The following PRKD1 variants were observed in gnomAD, a reference collection of about 807,000 sequenced individuals.
PRKD1 encodes the protein serine/threonine-protein kinase D1.
PRKD1 carries 63 observed loss-of-function variants against 95.9 expected under a neutral mutation model. The observed-to-expected ratio is 0.66, with a 90% CI of 0.54 to 0.81. The LOEUF (loss-of-function observed/expected upper bound fraction) is 0.81, where lower values mean the gene tolerates loss of function less well. PRKD1 is among the 30% of genes least tolerant of loss of function. The pLI is 0.00. For missense variants in PRKD1, 1,048 were observed against 1,165.3 expected, an observed-to-expected ratio of 0.90 and a Z score of 1.47; for synonymous variants, 425 against 423.1, an observed-to-expected ratio of 1.00 and a Z score of -0.05.
At chr14:29,841,531 C>T (rs1311140613) in intron 1 of PRKD1, among the ~76,000 whole-genome samples, 5 of 152,068 alleles carry the variant, frequency 3.3e-5, no homozygotes, top group East Asian at 1.9e-4. Context: ...GTTTTAAAAA[C>T]GGAAGTTTCC....
intron 11 of PRKD1, among the ~76,000 whole-genome samples, chr14:29,627,679 C>A (rs1879714830): frequency 9.0e-6 from 1 of 110,758 alleles, no homozygotes; most frequent in Non-Finnish European, 1.9e-5. Flanking sequence ...TGCACATGTA[C>A]CCCAGAAGTT....
At chr14:29,915,286 T>C (rs1033842775) in intron 1 of PRKD1, among the ~76,000 whole-genome samples, 9 of 152,164 alleles carry the variant, frequency 5.9e-5, no homozygotes, top group South Asian at 2.1e-4. Context: ...CATCTGAAAA[T>C]GTCCAGGTGG....
rs45469194 is a variant in PRKD1 at position 29,905,073 on chromosome 14, A to C, written c.264+22176T>G. 2.6e-4 allele frequency among the ~76,000 whole-genome samples: 39 copies of C among 152,318 alleles called. 1 individual carries two copies. In the East Asian group the frequency reaches 7.5e-3, roughly 29 times the overall value. On this transcript the variant is annotated intron_variant, in intron 1 of 17. Transcript: ENST00000331968. ...GAATTACTGGACTGTGGTCTGCCAAATACATACCAATGTACTTTGGGCAAA... is the reference window on the plus strand; with the variant it reads ...GAATTACTGGACTGTGGTCTGCCAACTACATACCAATGTACTTTGGGCAAA...
chr14:29,785,048 G>C (rs1289364026), intron 1 of PRKD1, among the ~76,000 whole-genome samples: 2 of 152,144 alleles, frequency 1.3e-5, no homozygotes, highest in Non-Finnish European at 2.9e-5. Flanking sequence ...AAGTGATCAA[G>C]GGATGTATGT....
At position 29,576,595 on chromosome 14, in the gene PRKD1, A is replaced by G. The variant is rs1232621513; in HGVS notation, c.*643T>C. The G allele has an allele frequency of 6.4e-6, 1 of 155,504 alleles. No homozygotes were observed. Among genetic ancestry groups the G allele is most frequent in the Non-Finnish European group, 1.4e-5 (1 of 69,784 alleles). 9.6% of individuals were successfully genotyped at this position (155,504 alleles called of 1,614,324 possible). On this transcript the variant is annotated 3_prime_UTR_variant, in exon 18 of 18. Coordinates refer to ENST00000331968, the MANE Select transcript of PRKD1 (RefSeq NM_002742.3). ...AGAAAGAGGGAAATGTATCTGTTAT[A>G]TATGGCAGTTTACATTTCTAAGGCA...
intron 1 of PRKD1, among the ~76,000 whole-genome samples, chr14:29,792,333 A>C (rs1216926801): frequency 6.6e-6 from 1 of 152,136 alleles, no homozygotes; most frequent in East Asian, 1.9e-4. Context: ...GTTAAAATGA[A>C]ATATCTTATG....
chr14:29,888,123 A>C (rs1436787163), intron 1 of PRKD1, among the ~76,000 whole-genome samples: 1 of 152,064 alleles, frequency 6.6e-6, no homozygotes, highest in Non-Finnish European at 1.5e-5. Flanking sequence ...AAACATAGGG[A>C]GAGCCCATCC....
chr14:29,618,806 C>CT, intron 13 of PRKD1, among the ~76,000 whole-genome samples: 1 of 150,786 alleles, frequency 6.6e-6, no homozygotes, highest in Non-Finnish European at 1.5e-5. Context: ...AGAGCTGTAC[C>CT]TTTTCTCACA....
chr14:29,927,322 A>G lies in PRKD1; in HGVS notation c.191T>C (p.Leu64Pro), dbSNP rs1895340957. Residue 64 changes from leucine to proline, a missense_variant, in exon 1 of 18, where the codon CTG (leucine) becomes CCG (proline). Leu to Pro is a moderately conservative substitution (Grantham distance 98). Around this residue, in one of 3 missense-constraint regions of PRKD1, gnomAD observed 275 missense variants for 248.6 expected, o/e 1.11. Coordinates refer to ENST00000331968, the MANE Select transcript of PRKD1 (RefSeq NM_002742.3). ...GTAGTCCCCGGACGAGTCCTGCAGCAGCAGCACCGGCTCACGGCTCAGGCC... is the reference window on the plus strand; with the variant it reads ...GTAGTCCCCGGACGAGTCCTGCAGCGGCAGCACCGGCTCACGGCTCAGGCC... ...QIGLSREPVL[L>P]LQDSSGDYSL... 1 of 1,562,062 alleles carries G rather than the reference A, an allele frequency of 6.4e-7. No homozygotes were observed. Among genetic ancestry groups the G allele is most frequent in the East Asian group, 2.5e-5 (1 of 40,284 alleles).
At chr14:29,673,005 T>A (rs965706105) in intron 2 of PRKD1, among the ~76,000 whole-genome samples, 18 of 152,214 alleles carry the variant, frequency 1.2e-4, no homozygotes, top group Non-Finnish European at 2.1e-4. Flanking sequence ...GATCTGTTCA[T>A]GAACCCACAG....
chr14:29,796,932 T>C (rs1192953706), intron 1 of PRKD1, among the ~76,000 whole-genome samples: 1 of 152,238 alleles, frequency 6.6e-6, no homozygotes, highest in Non-Finnish European at 1.5e-5. Flanking sequence ...TTTTTGTTGT[T>C]ATTTGTTTTT....
chr14:29,679,658 G>C (rs1391646879), intron 2 of PRKD1, among the ~76,000 whole-genome samples: 2 of 151,394 alleles, frequency 1.3e-5, no homozygotes, highest in Non-Finnish European at 2.9e-5. Flanking sequence ...ATCAGGAAGA[G>C]ATGCAGGCAA....
chr14:29,814,423 C>T (rs1177495520), intron 1 of PRKD1, among the ~76,000 whole-genome samples: 1 of 152,192 alleles, frequency 6.6e-6, no homozygotes, highest in East Asian at 1.9e-4. Flanking sequence ...TCAATGTCTT[C>T]TTGCTAGTGG....
chr14:29,697,598 T>C lies in PRKD1; in HGVS notation c.403+27938A>G, dbSNP rs570883829. On this transcript the variant is annotated intron_variant, in intron 2 of 17. Transcript: ENST00000331968. ...CAAACATCTATTTTATTAAAATCTATGTGCAAAATCACTTTTTGGGAAAGG... is the reference window on the plus strand; with the variant it reads ...CAAACATCTATTTTATTAAAATCTACGTGCAAAATCACTTTTTGGGAAAGG... Among the ~76,000 whole-genome samples, 15 of 152,348 alleles carry C rather than the reference T, an allele frequency of 9.8e-5. No individual in the cohort carries two copies. In the South Asian group the frequency reaches 2.9e-3, roughly 29 times the overall value.
chr14:29,822,549 A>G (rs1285097926), intron 1 of PRKD1, among the ~76,000 whole-genome samples: 1 of 152,188 alleles, frequency 6.6e-6, no homozygotes, highest in South Asian at 2.1e-4. Context: ...CCTGTAAGAG[A>G]GACAGCACTG....
chr14:29,891,989 G>A (rs1318310798), intron 1 of PRKD1, among the ~76,000 whole-genome samples: 2 of 152,074 alleles, frequency 1.3e-5, no homozygotes, highest in Non-Finnish European at 2.9e-5. Context: ...TGATGAATAC[G>A]TCACACAGTT....
chr14:29,802,854 A>G (rs944554932), intron 1 of PRKD1, among the ~76,000 whole-genome samples: 6 of 152,252 alleles, frequency 3.9e-5, no homozygotes, highest in African/African-American at 1.4e-4. Context: ...ATATCCAAGA[A>G]AAGCACATCA....
At chr14:29,679,064 T>C (rs551208113) in intron 2 of PRKD1, among the ~76,000 whole-genome samples, 1 of 152,190 alleles carries the variant, frequency 6.6e-6, no homozygotes, top group African/African-American at 2.4e-5. Flanking sequence ...ACAAAAGTGA[T>C]AAAGAAAAAA....
chr14:29,717,435 G>C (rs1478171346), intron 2 of PRKD1, among the ~76,000 whole-genome samples: 1 of 152,130 alleles, frequency 6.6e-6, no homozygotes, highest in African/African-American at 2.4e-5. Context: ...GGGAAATGGG[G>C]TGACTTGCTG....
Sources: allele counts gnomAD v4.1 joint callset (sites outside exome capture counted in the v4.1 genomes callset), GRCh38; gene constraint gnomAD v4.1.1; regional missense constraint gnomAD v4.1.1; transcripts MANE v1.5; gene names NCBI Gene and HGNC (gene_info 2026-07-23, HGNC 2026-07-21).